The following SLC35F3 variants were observed in gnomAD, a reference collection of about 807,000 sequenced individuals.
The protein encoded by SLC35F3 is putative thiamine transporter SLC35F3.
SLC35F3 carries 25 observed loss-of-function variants against 49.9 expected under a neutral mutation model. That is an observed-to-expected ratio of 0.50 (90% CI 0.37 to 0.70). The LOEUF (loss-of-function observed/expected upper bound fraction) is 0.70, where lower values mean the gene tolerates loss of function less well. SLC35F3 is among the 30% of genes least tolerant of loss of function. The probability of loss-of-function intolerance (pLI) is 0.00; values close to 1 mark genes in which losing one functional copy is unlikely to be tolerated. For missense variants in SLC35F3, 525 were observed against 639.8 expected, an observed-to-expected ratio of 0.82 and a Z score of 1.94; for synonymous variants, 275 against 265.4, an observed-to-expected ratio of 1.04 and a Z score of -0.35.
At chr1:233,961,861 A>C (rs1002664488) in intron 2 of SLC35F3, among the ~76,000 whole-genome samples, 1 of 152,206 alleles carries the variant, frequency 6.6e-6, no homozygotes, top group African/African-American at 2.4e-5. Flanking sequence ...GGTGCATTTT[A>C]ACTGGATGGA....
chr1:234,296,702 A>T (rs572245313), intron 3 of SLC35F3, among the ~76,000 whole-genome samples: 17 of 152,358 alleles, frequency 1.1e-4, no homozygotes, highest in African/African-American at 3.8e-4. Context: ...CACTTCTCAG[A>T]TACCTCTGCT....
rs373786396 is a variant in SLC35F3, at chr1:233,984,463, GTT to G, written c.283+78708_283+78709del. ...TAAGAGTTTTTAACGGGATGGGTAA[GTT>G]TTAGGAAAGCAGAAGCCACGGGCAA... is the stretch of plus-strand genomic sequence containing the variant. On this transcript the variant is annotated intron_variant, in intron 2 of 7. Coordinates refer to ENST00000366618, the MANE Select transcript of SLC35F3 (RefSeq NM_173508.4). Among the ~76,000 whole-genome samples the G allele has an allele frequency of 4.5e-3, 680 of 152,332 alleles. 2 individuals carry two copies. The highest frequency in any genetic ancestry group is 0.015 in the African/African-American group (641 of 41,574).
At chr1:233,977,383 CT>C (rs1663108777) in intron 2 of SLC35F3, among the ~76,000 whole-genome samples, 1 of 152,148 alleles carries the variant, frequency 6.6e-6, no homozygotes. Context: ...GAAGGCAGGC[CT>C]TTGTAGTCAC....
intron 2 of SLC35F3, among the ~76,000 whole-genome samples, chr1:233,943,952 T>C (rs915505580): frequency 1.3e-5 from 2 of 152,024 alleles, no homozygotes; most frequent in African/African-American, 4.8e-5. Context: ...GGGGAAAAAA[T>C]GGAATTAAGG....
intron 6 of SLC35F3, 80 bp downstream of exon 6, chr1:234,319,023 C>A: frequency 8.5e-7 from 1 of 1,171,804 alleles, no homozygotes; most frequent in Non-Finnish European, 1.2e-6. Context: ...TCCCTGAAGG[C>A]AGAAAACAGT....
intron 2 of SLC35F3, among the ~76,000 whole-genome samples, chr1:233,932,602 A>G (rs1423473717): frequency 3.3e-5 from 5 of 152,220 alleles, no homozygotes; most frequent in African/African-American, 1.2e-4. Flanking sequence ...GTAAGAATTC[A>G]TCAAGTGCTT....
intron 2 of SLC35F3, among the ~76,000 whole-genome samples, chr1:234,074,766 G>A (rs1184693681): frequency 6.6e-6 from 1 of 152,172 alleles, no homozygotes; most frequent in Admixed American, 6.5e-5. Flanking sequence ...GTGAGGTTAG[G>A]GCAAAAATAC....
At chr1:234,082,692 T>G (rs1664897014) in intron 2 of SLC35F3, among the ~76,000 whole-genome samples, 1 of 152,264 alleles carries the variant, frequency 6.6e-6, no homozygotes, top group African/African-American at 2.4e-5. Flanking sequence ...GACTCACAGT[T>G]TCATGTGGCT....
At chr1:234,140,002 A>AATAAATAAAATAAAAAAAT in intron 2 of SLC35F3, among the ~76,000 whole-genome samples, 1 of 105,368 alleles carries the variant, frequency 9.5e-6, no homozygotes, top group Non-Finnish European at 2.4e-5. Flanking sequence ...AATAAAATAA[A>AATAAATAAAATAAAAAAAT]GTAAGTGACT....
intron 2 of SLC35F3, among the ~76,000 whole-genome samples, chr1:234,075,522 A>C (rs1235671673): frequency 6.6e-6 from 1 of 152,248 alleles, no homozygotes; most frequent in East Asian, 1.9e-4. Context: ...TATTTTGAGA[A>C]GATTCCAGAT....
chr1:234,214,725 G>A lies in SLC35F3; in HGVS notation c.284-16692G>A. On this transcript the variant is annotated intron_variant, in intron 2 of 7. Transcript: ENST00000366618. This position sits in a 1 kb window ranked among gnomAD's most constrained non-coding sequence, Gnocchi z 8.0. ...CGCAGTGCAGAGCGCCGCCGCCTGC[G>A]TGGGGGGATCTGGCAGCTTCAGGGG... 3 of 1,068,682 alleles carry A rather than the reference G, an allele frequency of 2.8e-6. No homozygotes were observed. The highest frequency in any genetic ancestry group is 3.8e-6 in the Non-Finnish European group (3 of 794,306). 66.2% of individuals were successfully genotyped at this position (1,068,682 alleles called of 1,614,324 possible). A position where few individuals can be genotyped will look rare whatever the true frequency, so the allele number is the denominator to read the frequency against.
chr1:234,276,016 G>A (rs967393489), intron 3 of SLC35F3, among the ~76,000 whole-genome samples: 4 of 152,116 alleles, frequency 2.6e-5, no homozygotes, highest in Non-Finnish European at 5.9e-5. Context: ...ATGAGCTCAG[G>A]TGGTCCAAGC....
At chr1:234,109,343 T>C (rs985394384) in intron 2 of SLC35F3, among the ~76,000 whole-genome samples, 2 of 152,184 alleles carry the variant, frequency 1.3e-5, no homozygotes, top group Non-Finnish European at 2.9e-5. Flanking sequence ...GAGCCTAGCC[T>C]GTAGGTTAAA....
At chr1:233,964,684 G>A (rs2102813663) in intron 2 of SLC35F3, among the ~76,000 whole-genome samples, 1 of 152,338 alleles carries the variant, frequency 6.6e-6, no homozygotes, top group East Asian at 1.9e-4. Flanking sequence ...GCTACAGACA[G>A]AGGGACAAAG....
chr1:234,166,798 A>G lies in SLC35F3; in HGVS notation c.284-64619A>G, dbSNP rs1048118774. On this transcript the variant is annotated intron_variant, in intron 2 of 7. Transcript: ENST00000366618. Reference sequence around the variant, plus strand: ...AAGGCCCCTTGGCTTACACCAAGGCATTCTTTAGAAAGTTGAAAGATCTTG... The same window carrying G: ...AAGGCCCCTTGGCTTACACCAAGGCGTTCTTTAGAAAGTTGAAAGATCTTG... 4.6e-4 allele frequency among the ~76,000 whole-genome samples: 70 copies of G among 152,366 alleles called. 1 individual carries two copies. The highest frequency in any genetic ancestry group is 1.5e-3 in the African/African-American group (62 of 41,584).
At chr1:233,973,738 T>G (rs1663031326) in intron 2 of SLC35F3, among the ~76,000 whole-genome samples, 1 of 152,236 alleles carries the variant, frequency 6.6e-6, no homozygotes, top group Non-Finnish European at 1.5e-5. Flanking sequence ...ATGCACGTGG[T>G]CACATGGCAG....
At chr1:234,263,845 C>T (rs996392593) in intron 3 of SLC35F3, among the ~76,000 whole-genome samples, 3 of 152,182 alleles carry the variant, frequency 2.0e-5, no homozygotes, top group African/African-American at 7.2e-5. Flanking sequence ...CATGGTGGCT[C>T]ACGCTTGTAA....
At chr1:234,137,988 AAG>A (rs990339265) in intron 2 of SLC35F3, among the ~76,000 whole-genome samples, 2 of 151,608 alleles carry the variant, frequency 1.3e-5, no homozygotes, top group African/African-American at 2.4e-5. Flanking sequence ...TAAAGAATGG[AAG>A]AGAGAGAGTT....
At chr1:234,146,481 C>CTTCTTTTTTTTTTTTTTTT (rs1665997361) in intron 2 of SLC35F3, among the ~76,000 whole-genome samples, 2 of 74,050 alleles carry the variant, frequency 2.7e-5, no homozygotes, top group East Asian at 2.4e-3. Flanking sequence ...GATATTTGCT[C>CTTCTTTTTTTTTTTTTTTT]TTTTTTTTTT....
Sources: allele counts gnomAD v4.1 joint callset (sites outside exome capture counted in the v4.1 genomes callset), GRCh38; gene constraint gnomAD v4.1.1; non-coding constraint Gnocchi (gnomAD v3.1); transcripts MANE v1.5; gene names NCBI Gene and HGNC (gene_info 2026-07-23, HGNC 2026-07-21).